CACNA2D3: variants seen among roughly 807,000 people sequenced by gnomAD.
CACNA2D3 encodes the protein voltage-dependent calcium channel subunit alpha-2/delta-3.
Under a neutral mutation model 160.6 loss-of-function variants are expected in CACNA2D3, and 60 were observed. The ratio of observed to expected loss-of-function variants is 0.37; its 90% CI spans 0.30 to 0.46. The LOEUF is 0.46. Ranked by LOEUF, CACNA2D3 falls within the 20% of genes least tolerant of loss-of-function variation. CACNA2D3 has a pLI of 1.00. For missense variants in CACNA2D3, 1,205 were observed against 1,365.0 expected (o/e 0.88, Z 1.85); for synonymous variants, 558 against 492.9 (o/e 1.13, Z -1.75).
intron 3 of CACNA2D3, among the ~76,000 whole-genome samples, chr3:54,332,044 G>T (rs1339256883): frequency 6.6e-6 from 1 of 152,178 alleles, no homozygotes; most frequent in African/African-American, 2.4e-5. Flanking sequence ...ATTTGAATAT[G>T]TGGCACTTAT....
intron 10 of CACNA2D3, chr3:54,633,811 G>C (rs1425411438): frequency 2.0e-5 from 3 of 152,164 alleles, no homozygotes; most frequent in Non-Finnish European, 4.4e-5. Flanking sequence ...CATTTAACCT[G>C]TGGTGTACCA....
At chr3:54,915,706 T>C (rs900344526) in intron 27 of CACNA2D3, among the ~76,000 whole-genome samples, 6 of 152,248 alleles carry the variant, frequency 3.9e-5, no homozygotes, top group Admixed American at 3.9e-4. Context: ...CATTTGTTAA[T>C]GTAAACAATT....
intron 26 of CACNA2D3, among the ~76,000 whole-genome samples, chr3:54,899,172 C>T (rs956831434): frequency 3.3e-5 from 5 of 152,110 alleles, no homozygotes; most frequent in Non-Finnish European, 5.9e-5. Context: ...TCTTTTAATT[C>T]GTGGATATTG....
At chr3:54,961,514 A>C (rs1000194215) in intron 27 of CACNA2D3, among the ~76,000 whole-genome samples, 8 of 152,214 alleles carry the variant, frequency 5.3e-5, no homozygotes, top group African/African-American at 1.9e-4. Flanking sequence ...TTAGGAGAAA[A>C]TCTTCTGTTT....
chr3:54,816,828 GTT>G (rs1559593312), intron 13 of CACNA2D3, 23 bp from the exon 14 acceptor site: 4 of 1,601,400 alleles, frequency 2.5e-6, no homozygotes, highest in Non-Finnish European at 3.4e-6. Flanking sequence ...TTTCTTTTTT[GTT>G]TTGTTTTGTT....
rs1458665237 is a variant in CACNA2D3 at position 54,148,160 on chromosome 3, C to T, written c.204+24566C>T. 2.6e-5 allele frequency among the ~76,000 whole-genome samples: 4 copies of T among 152,348 alleles called. 1 individual carries two copies. The highest frequency in any genetic ancestry group is 2.1e-4 in the South Asian group (1 of 4,826). ...CCAAACATGCTCCTTGACATGCCCA[C>T]GGGCTCTTAGCTCCAGATGTCTCCT... On this transcript the variant is annotated intron_variant, in intron 2 of 37. Coordinates refer to ENST00000474759, the MANE Select transcript of CACNA2D3 (RefSeq NM_018398.3).
intron 3 of CACNA2D3, among the ~76,000 whole-genome samples, chr3:54,356,949 T>C (rs1416096642): frequency 6.6e-6 from 1 of 152,170 alleles, no homozygotes; most frequent in Admixed American, 6.5e-5. Context: ...AAAAATACAG[T>C]TGCATGAAGC....
intron 35 of CACNA2D3, among the ~76,000 whole-genome samples, chr3:55,041,316 T>A (rs895290559): frequency 6.6e-6 from 1 of 152,200 alleles, no homozygotes; most frequent in African/African-American, 2.4e-5. Flanking sequence ...TAAACACATA[T>A]ATAATTTTTC....
chr3:54,729,145 T>C (rs1242124894), intron 11 of CACNA2D3, among the ~76,000 whole-genome samples: 1 of 152,114 alleles, frequency 6.6e-6, no homozygotes, highest in Admixed American at 6.5e-5. Flanking sequence ...GATCTCTAAC[T>C]CCTGGCCTCA....
Position 54,721,703 on chromosome 3 carries a change from G to A in CACNA2D3, c.1168-30896G>A, listed in dbSNP as rs1281250508. On this transcript the variant is annotated intron_variant, in intron 11 of 37. Transcript: ENST00000474759. ...TTGAACCCAGGAGGTGGAGTTTGCA[G>A]TGAGCCGAGATTGCACCACTGCACT... 4.7e-5 allele frequency among the ~76,000 whole-genome samples: 7 copies of A among 150,012 alleles called. No homozygotes were observed. The Admixed American group carries it at 4.7e-4, about 10-fold the overall frequency.
rs550171627 is a variant in CACNA2D3 at position 54,963,182 on chromosome 3, T to A, written c.2450-5268T>A. Among the ~76,000 whole-genome samples, 4 of 152,166 alleles carry A rather than the reference T, an allele frequency of 2.6e-5. No homozygotes were observed. In the South Asian group the frequency reaches 8.3e-4, roughly 31 times the overall value. On this transcript the variant is annotated intron_variant, in intron 27 of 37. Transcript: ENST00000474759. ...GGTTCATTCAAACTCATTTCCAACT[T>A]CCCCTTGCAAGTCCAGGTTGTCTCA... is the stretch of plus-strand genomic sequence containing the variant.
intron 3 of CACNA2D3, among the ~76,000 whole-genome samples, chr3:54,384,117 T>G (rs1466554207): frequency 6.6e-6 from 1 of 152,196 alleles, no homozygotes; most frequent in Non-Finnish European, 1.5e-5. Flanking sequence ...TATTTTTTCC[T>G]TTCCAATTCT....
At chr3:54,432,083 T>C (rs1699998700) in intron 4 of CACNA2D3, among the ~76,000 whole-genome samples, 1 of 152,116 alleles carries the variant, frequency 6.6e-6, no homozygotes, top group Admixed American at 6.6e-5. Context: ...GGAAAAAATA[T>C]ACATGACTGT....
intron 27 of CACNA2D3, among the ~76,000 whole-genome samples, chr3:54,922,416 A>C (rs1700879523): frequency 6.6e-6 from 1 of 151,812 alleles, no homozygotes; most frequent in Admixed American, 6.6e-5. Flanking sequence ...ACAATACAAT[A>C]GTTCAAGCCA....
intron 17 of CACNA2D3, among the ~76,000 whole-genome samples, chr3:54,862,403 A>ACACG (rs1699311932): frequency 1.3e-5 from 2 of 151,226 alleles, no homozygotes; most frequent in African/African-American, 4.9e-5. Context: ...ACACACACAC[A>ACACG]CGCACACACA....
intron 5 of CACNA2D3, among the ~76,000 whole-genome samples, chr3:54,522,938 TTACTTAC>T (rs1575502202): frequency 4.0e-5 from 5 of 123,716 alleles, no homozygotes; most frequent in East Asian, 2.1e-4. Context: ...ATTTATTTAC[TTACTTAC>T]TTACTTACTT....
intron 2 of CACNA2D3, among the ~76,000 whole-genome samples, chr3:54,213,523 A>C (rs887845502): frequency 1.3e-5 from 2 of 152,218 alleles, no homozygotes; most frequent in African/African-American, 4.8e-5. Context: ...GGAGGATAAC[A>C]GTCCTTTCTT....
At chr3:54,397,581 A>G (rs1338484244) in intron 4 of CACNA2D3, among the ~76,000 whole-genome samples, 2 of 139,346 alleles carry the variant, frequency 1.4e-5, no homozygotes, top group Non-Finnish European at 3.1e-5. Flanking sequence ...TGTACCCAGT[A>G]GTCATTCAGG....
At chr3:54,536,667 C>T (rs1462744072) in intron 5 of CACNA2D3, among the ~76,000 whole-genome samples, 1 of 152,212 alleles carries the variant, frequency 6.6e-6, no homozygotes, top group Non-Finnish European at 1.5e-5. Flanking sequence ...CCCTGGGCCA[C>T]AGCCAGCAGG....
Sources: allele counts gnomAD v4.1 joint callset (sites outside exome capture counted in the v4.1 genomes callset), GRCh38; gene constraint gnomAD v4.1.1; transcripts MANE v1.5; gene names NCBI Gene and HGNC (gene_info 2026-07-23, HGNC 2026-07-21).